Variants in DLG2 observed in about 807,000 individuals in gnomAD.
DLG2 encodes the protein discs large MAGUK scaffold protein 2.
In DLG2, 45 loss-of-function variants were observed where a neutral mutation model predicts 132.5. That is an observed-to-expected ratio of 0.34 (90% CI 0.27 to 0.44). The LOEUF (loss-of-function observed/expected upper bound fraction) is 0.44, where lower values mean the gene tolerates loss of function less well. Ranked by LOEUF, DLG2 falls within the 20% of genes least tolerant of loss-of-function variation. The pLI, the probability that DLG2 is intolerant of heterozygous loss-of-function variation, is 1.00. For missense variants in DLG2, 1,045 were observed against 1,196.9 expected, an observed-to-expected ratio of 0.87 and a Z score of 1.87; for synonymous variants, 424 against 419.6, an observed-to-expected ratio of 1.01 and a Z score of -0.13.
chr11:85,464,461 T>A (rs190627186), intron 3 of DLG2, among the ~76,000 whole-genome samples: 81 of 152,148 alleles, frequency 5.3e-4, no homozygotes, highest in African/African-American at 1.7e-3. Context: ...GTATGGAAAA[T>A]GTTCCCTGTG....
At position 84,470,336 on chromosome 11, in the gene DLG2, G is replaced by A. The variant is rs551963840; in HGVS notation, c.519+64234C>T. On this transcript the variant is annotated intron_variant, in intron 7 of 27. Coordinates refer to ENST00000376104, the MANE Select transcript of DLG2 (RefSeq NM_001142699.3). ...GATTTCATTTAAGTTGCTTTCATCT[G>A]CTCATTTAATTTACCAGATGTTCAT... Among the ~76,000 whole-genome samples the A allele has an allele frequency of 3.3e-5, 5 of 151,828 alleles. No homozygotes were observed. In the South Asian group the frequency reaches 1.0e-3, roughly 31 times the overall value.
chr11:84,915,211 TA>T (rs1362618502), intron 6 of DLG2, among the ~76,000 whole-genome samples: 1 of 152,124 alleles, frequency 6.6e-6, no homozygotes, highest in African/African-American at 2.4e-5. Context: ...TCAAAGTCAA[TA>T]AAGAAGGTTA....
At chr11:84,474,204 A>G (rs2099115834) in intron 7 of DLG2, among the ~76,000 whole-genome samples, 1 of 152,052 alleles carries the variant, frequency 6.6e-6, no homozygotes, top group South Asian at 2.1e-4. Flanking sequence ...TATTATAAAC[A>G]GTGCCAGGAT....
chr11:84,133,803 A>T (rs1003236752), intron 9 of DLG2, among the ~76,000 whole-genome samples: 3 of 151,990 alleles, frequency 2.0e-5, no homozygotes, highest in African/African-American at 7.2e-5. Context: ...ATTTTGTTCA[A>T]ATATTTCATA....
chr11:84,623,502 TTATTA>T (rs1314296975), intron 6 of DLG2, among the ~76,000 whole-genome samples: 44 of 152,268 alleles, frequency 2.9e-4, no homozygotes, highest in African/African-American at 9.6e-4. Context: ...CAGAGAAATA[TTATTA>T]TAATATTATC....
chr11:83,852,837 T>C (rs966426645), intron 16 of DLG2, among the ~76,000 whole-genome samples: 2 of 152,208 alleles, frequency 1.3e-5, no homozygotes, highest in African/African-American at 4.8e-5. Context: ...AGGAAGAGCA[T>C]TGCTTCCCAT....
At position 85,412,760 on chromosome 11, in the gene DLG2, CATATAT is replaced by C. The variant is rs200280952; in HGVS notation, c.41-127401_41-127396del. 7.8e-3 allele frequency among the ~76,000 whole-genome samples: 878 copies of C among 113,218 alleles called. 13 individuals are homozygous for C. Among genetic ancestry groups the C allele is most frequent in the African/African-American group, 0.03 (807 of 26,998 alleles). 74.3% of individuals were successfully genotyped at this position (113,218 alleles called of 152,430 possible). On this transcript the variant is annotated intron_variant, in intron 3 of 27. Transcript: ENST00000376104. ...ACACACACACACACACACACACACA[CATATAT>C]ATATATATATATATATATATCACAG...
intron 3 of DLG2, among the ~76,000 whole-genome samples, chr11:85,343,624 T>G (rs1324487745): frequency 6.6e-6 from 1 of 152,144 alleles, no homozygotes; most frequent in Non-Finnish European, 1.5e-5. Context: ...ACGTTCTCTC[T>G]CTCTCTCTCA....
At chr11:85,414,087 G>T (rs575072682) in intron 3 of DLG2, among the ~76,000 whole-genome samples, 1 of 151,914 alleles carries the variant, frequency 6.6e-6, no homozygotes, top group African/African-American at 2.4e-5. Context: ...GCAGTGTTTT[G>T]TAGTTTTCCT....
chr11:84,246,899 C>T (rs2097309621), intron 8 of DLG2, among the ~76,000 whole-genome samples: 1 of 151,940 alleles, frequency 6.6e-6, no homozygotes, highest in Non-Finnish European at 1.5e-5. Flanking sequence ...TGTGGTTACA[C>T]ACCAAAAATT....
chr11:84,777,900 G>A (rs1480604006), intron 6 of DLG2, among the ~76,000 whole-genome samples: 1 of 152,040 alleles, frequency 6.6e-6, no homozygotes, highest in Non-Finnish European at 1.5e-5. Flanking sequence ...CCATTTTGCA[G>A]GCTGTCTGTT....
At chr11:84,097,469 C>T (rs948329384) in intron 10 of DLG2, among the ~76,000 whole-genome samples, 8 of 152,308 alleles carry the variant, frequency 5.3e-5, no homozygotes, top group African/African-American at 1.2e-4. Context: ...CCACCCCCCA[C>T]TCCACAGCTC....
chr11:85,322,125 T>C (rs879358029), intron 3 of DLG2, among the ~76,000 whole-genome samples: 3 of 152,050 alleles, frequency 2.0e-5, no homozygotes, highest in Non-Finnish European at 4.4e-5. Context: ...ATATCATAAA[T>C]AGATACACTC....
intron 18 of DLG2, among the ~76,000 whole-genome samples, chr11:83,724,003 C>A (rs1433261797): frequency 6.6e-6 from 1 of 152,158 alleles, no homozygotes; most frequent in Non-Finnish European, 1.5e-5. Flanking sequence ...ATAATCTGAG[C>A]TGACATTCTT....
At chr11:83,883,139 A>AT (rs2066782550) in intron 15 of DLG2, among the ~76,000 whole-genome samples, 1 of 152,308 alleles carries the variant, frequency 6.6e-6, no homozygotes, top group African/African-American at 2.4e-5. Context: ...TTGCATTTCT[A>AT]TAAGTCATCC....
intron 6 of DLG2, among the ~76,000 whole-genome samples, chr11:84,996,558 T>A (rs2154128384): frequency 6.6e-6 from 1 of 152,298 alleles, no homozygotes; most frequent in East Asian, 1.9e-4. Context: ...GAGACTGTAT[T>A]TTTTTGCTAG....
intron 6 of DLG2, chr11:85,021,662 A>T (rs2060080682): frequency 2.6e-6 from 3 of 1,143,522 alleles, no homozygotes; most frequent in Non-Finnish European, 2.6e-6. Context: ...ATTGTGTTTG[A>T]TGATAAGGTT....
At position 83,723,348 on chromosome 11, in the gene DLG2, C is replaced by T. The variant is rs536364086; in HGVS notation, c.1825+63342G>A. On this transcript the variant is annotated intron_variant, in intron 18 of 27. Coordinates refer to ENST00000376104, the MANE Select transcript of DLG2 (RefSeq NM_001142699.3). ...TGAGCTGACATCGCACCACTGCACT[C>T]CAGCCTGGGCAACAGAGTGAAACTC... Among the ~76,000 whole-genome samples the T allele has an allele frequency of 1.2e-4, 19 of 152,064 alleles. No homozygotes were observed. The South Asian group carries it at 3.7e-3, about 30-fold the overall frequency.
At chr11:84,162,027 T>G (rs565874018) in intron 9 of DLG2, among the ~76,000 whole-genome samples, 1 of 152,296 alleles carries the variant, frequency 6.6e-6, no homozygotes, top group East Asian at 1.9e-4. Context: ...AGCCTGAAGA[T>G]GAGAAATGCT....
Sources: allele counts gnomAD v4.1 joint callset (sites outside exome capture counted in the v4.1 genomes callset), GRCh38; gene constraint gnomAD v4.1.1; transcripts MANE v1.5; gene names NCBI Gene and HGNC (gene_info 2026-07-23, HGNC 2026-07-21).